The following ZNF34 variants were observed in gnomAD, a reference collection of about 807,000 sequenced individuals.
The protein encoded by ZNF34 is zinc finger protein 34.
In ZNF34, 8 loss-of-function variants were observed where a neutral mutation model predicts 14.4. That is an observed-to-expected ratio of 0.55 (90% CI 0.33 to 1.00). The LOEUF (loss-of-function observed/expected upper bound fraction) is 1.00, where lower values mean the gene tolerates loss of function less well. Among genes scored for constraint, ZNF34 ranks in the 50% least tolerant of loss-of-function variants. The probability of loss-of-function intolerance (pLI) is 0.03; values close to 1 mark genes in which losing one functional copy is unlikely to be tolerated. For synonymous variants in ZNF34, 235 were observed against 247.9 expected (o/e 0.95, Z 0.49); for missense variants, 538 against 674.2 (o/e 0.80, Z 2.24).
chr8:144,780,667 T>C (rs987972264), intron 1 of ZNF34, among the ~76,000 whole-genome samples: 2 of 151,786 alleles, frequency 1.3e-5, no homozygotes, highest in African/African-American at 4.8e-5. Flanking sequence ...CGGGCTCCTG[T>C]AATCCCAGCT....
At chr8:144,776,906 T>A (rs1407585099) in intron 5 of ZNF34, among the ~76,000 whole-genome samples, 5 of 93,928 alleles carry the variant, frequency 5.3e-5, no homozygotes, top group African/African-American at 1.3e-4. Context: ...AGGGCGACCC[T>A]GTCTCAAAAA....
chr8:144,777,354 C>T lies in ZNF34; in HGVS notation c.280+104G>A, dbSNP rs538076315. 51 of 1,444,418 alleles carry T rather than the reference C, an allele frequency of 3.5e-5. No individual in the cohort carries two copies. The highest frequency in any genetic ancestry group is 4.6e-4 in the Middle Eastern group (2 of 4,330). 89.5% of individuals were successfully genotyped at this position (1,444,418 alleles called of 1,614,324 possible). A position where few individuals can be genotyped will look rare whatever the true frequency, so the allele number is the denominator to read the frequency against. On this transcript the variant is annotated intron_variant, in intron 5 of 5. Transcript: ENST00000429371. This position sits in a 1 kb window ranked among gnomAD's most constrained non-coding sequence, Gnocchi z 4.8. ...ACTGTCAGGCCTCCTGTGCTAGCCC[C>T]GATGAATCTGGCCCACAAACTCCTG...
intron 1 of ZNF34, among the ~76,000 whole-genome samples, chr8:144,786,179 G>A (rs951492517): frequency 1.5e-4 from 22 of 151,374 alleles, no homozygotes; most frequent in Non-Finnish European, 3.1e-4. Context: ...GTAGAGACGG[G>A]GTTTCACTGG....
intron 1 of ZNF34, among the ~76,000 whole-genome samples, chr8:144,784,323 A>G (rs1237235631): frequency 6.6e-6 from 1 of 152,044 alleles, no homozygotes; most frequent in Non-Finnish European, 1.5e-5. Context: ...ATGTTAATAT[A>G]CCTGCAATAT....
intron 2 of ZNF34, 72 bp downstream of exon 2, chr8:144,780,156 C>T (rs1825773499): frequency 4.2e-6 from 5 of 1,192,562 alleles, no homozygotes; most frequent in Non-Finnish European, 4.9e-6. Flanking sequence ...GTGATCGCAC[C>T]ACTGCACTCC....
rs113628148 is a variant in ZNF34, at chr8:144,779,765, C to T, written c.-55+463G>A. ...AGTCACCTCTACTGCCTGCTGCCCT[C>T]GGGCCGTCTATCCCCCTCCCTGCTC... is the stretch of plus-strand genomic sequence containing the variant. On this transcript the variant is annotated intron_variant, in intron 2 of 5. Transcript: ENST00000429371. This position sits in a 1 kb window ranked among gnomAD's most constrained non-coding sequence, Gnocchi z 4.1. Among the ~76,000 whole-genome samples the T allele has an allele frequency of 0.047, 7,088 of 152,192 alleles. 312 individuals carry two copies. The highest frequency in any genetic ancestry group is 0.1 in the African/African-American group (4,299 of 41,522).
chr8:144,780,822 C>T (rs1002242798), intron 1 of ZNF34, among the ~76,000 whole-genome samples: 1 of 150,260 alleles, frequency 6.7e-6, no homozygotes, highest in Non-Finnish European at 1.5e-5. Flanking sequence ...GCGAAAATCA[C>T]TAATAGGAAT....
chr8:144,784,437 G>T lies in ZNF34; in HGVS notation c.-108+2842C>A, dbSNP rs928662158. On this transcript the variant is annotated intron_variant, in intron 1 of 5. Coordinates refer to ENST00000429371, the MANE Select transcript of ZNF34 (RefSeq NM_001286769.2). ...TCTGTGGTACACAAATATACTTCAG[G>T]CAGGTTGAAGACCTAAACATTAAAA... Among the ~76,000 whole-genome samples the T allele has an allele frequency of 6.1e-5, 9 of 148,614 alleles. No individual in the cohort carries two copies. In the Admixed American group the frequency reaches 6.1e-4, roughly 10 times the overall value.
At chr8:144,776,120 T>A (rs1586728917) in intron 5 of ZNF34, among the ~76,000 whole-genome samples, 1 of 151,834 alleles carries the variant, frequency 6.6e-6, no homozygotes, top group South Asian at 2.1e-4. Context: ...GAGACCAGCC[T>A]GGCCAATACG....
intron 1 of ZNF34, among the ~76,000 whole-genome samples, chr8:144,786,141 C>G (rs1322173758): frequency 6.6e-6 from 1 of 151,562 alleles, no homozygotes; most frequent in African/African-American, 2.4e-5. Flanking sequence ...CCCGCTACCA[C>G]GCCCGGCTAA....
chr8:144,779,462 C>T lies in ZNF34; in HGVS notation c.-55+766G>A, dbSNP rs939859556. Among the ~76,000 whole-genome samples, 2 of 152,140 alleles carry T rather than the reference C, an allele frequency of 1.3e-5. No individual in the cohort carries two copies. The highest frequency in any genetic ancestry group is 6.6e-5 in the Admixed American group (1 of 15,264). On this transcript the variant is annotated intron_variant, in intron 2 of 5. Transcript: ENST00000429371. The surrounding 1 kb of genome is among the most constrained non-coding windows in gnomAD (Gnocchi z 4.1). ...TAGTGTGGGCTCCCAGAGCTTGGTG[C>T]CTTCACAGCCTCCATACTAGCGTTG...
intron 1 of ZNF34, among the ~76,000 whole-genome samples, chr8:144,783,143 T>C (rs2130309047): frequency 6.6e-6 from 1 of 152,012 alleles, no homozygotes; most frequent in African/African-American, 2.4e-5. Context: ...TAGCACGGAT[T>C]GGTGGCACAT....
intron 3 of ZNF34, 95 bp from the exon 4 acceptor site, chr8:144,778,259 G>C: frequency 6.6e-7 from 1 of 1,523,058 alleles, no homozygotes; most frequent in Non-Finnish European, 8.8e-7. Context: ...CAGCAGCACA[G>C]TGGGTGGCCT....
intron 1 of ZNF34, among the ~76,000 whole-genome samples, chr8:144,785,979 GTTTT>G (rs35149527): frequency 4.0e-5 from 4 of 99,278 alleles, no homozygotes; most frequent in African/African-American, 1.3e-4. Context: ...TACATAGGTA[GTTTT>G]TTTTTTTTTT....
In ZNF34 at chr8:144,777,721, G is replaced by C; in HGVS notation, c.161-144C>G. Reference sequence around the variant, plus strand: ...ACACTCTCTGGAGGGCACTGAGATTGGGCTGGGGCAGTCCTGAGCATAAGG... The same window carrying C: ...ACACTCTCTGGAGGGCACTGAGATTCGGCTGGGGCAGTCCTGAGCATAAGG... On this transcript the variant is annotated intron_variant, in intron 4 of 5. Coordinates refer to ENST00000429371, the MANE Select transcript of ZNF34 (RefSeq NM_001286769.2). The surrounding 1 kb of genome is among the most constrained non-coding windows in gnomAD (Gnocchi z 4.8). 4 of 1,081,212 alleles carry C rather than the reference G, an allele frequency of 3.7e-6. No homozygotes were observed. The highest frequency in any genetic ancestry group is 5.2e-6 in the Non-Finnish European group (4 of 767,582). The allele number at this position is 1,081,212 out of a possible 1,614,324, so 67.0% of individuals were successfully genotyped here.
chr8:144,773,810 C>T lies in ZNF34; in HGVS notation c.1076G>A (p.Arg359Gln), dbSNP rs779179529. The T allele has an allele frequency of 1.2e-5, 20 of 1,613,806 alleles. No individual in the cohort carries two copies. The highest frequency in any genetic ancestry group is 1.6e-4 in the Middle Eastern group (1 of 6,084). Residue 359 changes from arginine (R) to glutamine (Q), a missense_variant, in exon 6 of 6, where the codon CGA becomes CAA. By Grantham distance (43) the Arg-to-Gln change is conservative. Coordinates refer to ENST00000429371, the MANE Select transcript of ZNF34 (RefSeq NM_001286769.2). This position sits in a 1 kb window ranked among gnomAD's most constrained non-coding sequence, Gnocchi z 5.4. ...KAFSDGSILI[R>Q]HRRTHTGEKP... ...CTCTCCGGTGTGAGTCCGACGATGT[C>T]GGATAAGGATTGAGCCATCACTGAA... is the stretch of plus-strand genomic sequence containing the variant.
chr8:144,777,618 A>G lies in ZNF34; in HGVS notation c.161-41T>C. 6.5e-7 allele frequency: 1 copy of G among 1,547,088 alleles called. No individual in the cohort carries two copies. Among genetic ancestry groups the G allele is most frequent in the Non-Finnish European group, 8.7e-7 (1 of 1,145,268 alleles). Reference sequence around the variant, plus strand: ...GGACTGGGGTTGGTACCAAGGACACAGGGCAGCACCTAGTGCTGTCTCACC... The same window carrying G: ...GGACTGGGGTTGGTACCAAGGACACGGGGCAGCACCTAGTGCTGTCTCACC... On this transcript the variant is annotated intron_variant, in intron 4 of 5. Transcript: ENST00000429371. The surrounding 1 kb of genome is among the most constrained non-coding windows in gnomAD (Gnocchi z 4.8).
intron 1 of ZNF34, among the ~76,000 whole-genome samples, chr8:144,786,795 A>T (rs1826269290): frequency 6.6e-6 from 1 of 151,924 alleles, no homozygotes; most frequent in South Asian, 2.1e-4. Flanking sequence ...AAGCAGAGGG[A>T]GGAGCACTGG....
rs566060742 is a variant in ZNF34, at chr8:144,784,393, T to G, written c.-108+2886A>C. 2.2e-5 allele frequency among the ~76,000 whole-genome samples: 3 copies of G among 138,644 alleles called. No homozygotes were observed. In the East Asian group the frequency reaches 6.4e-4, roughly 29 times the overall value. 91.0% of individuals were successfully genotyped at this position (138,644 alleles called of 152,430 possible). On this transcript the variant is annotated intron_variant, in intron 1 of 5. Transcript: ENST00000429371. ...GCACAACTGGTTTTCCATTGGAAAA[T>G]AAAATTAGTTTCCTGCCTTCTGTGG...
Sources: gnomAD v4.1 joint callset for allele counts (sites outside exome capture counted in the v4.1 genomes callset) on GRCh38, gnomAD v4.1.1 for gene constraint, Gnocchi (gnomAD v3.1) non-coding constraint, MANE v1.5 for transcripts, NCBI Gene and HGNC (gene_info 2026-07-23, HGNC 2026-07-21) for gene names.